The following AGAP1 variants were observed in gnomAD, a reference collection of about 807,000 sequenced individuals.
AGAP1 encodes arf-GAP with GTPase, ANK repeat and PH domain-containing protein 1.
In AGAP1, 29 loss-of-function variants were observed where a neutral mutation model predicts 105.3. That is an observed-to-expected ratio of 0.28 (90% CI 0.21 to 0.38). The LOEUF is 0.38. Among genes scored for constraint, AGAP1 ranks in the 10% least tolerant of loss-of-function variants. The pLI is 1.00. For synonymous variants in AGAP1, 509 were observed against 485.9 expected, an observed-to-expected ratio of 1.05 and a Z score of -0.63; for missense variants, 998 against 1,165.1, an observed-to-expected ratio of 0.86 and a Z score of 2.09.
chr2:235,913,521 T>G (rs2051723047), intron 11 of AGAP1, among the ~76,000 whole-genome samples: 1 of 152,228 alleles, frequency 6.6e-6, no homozygotes, highest in African/African-American at 2.4e-5. Flanking sequence ...GGGCTGTGTT[T>G]CTGGCCTCTC....
rs967120297 is a variant in AGAP1, at chr2:235,725,305, G to T, written c.310+7661G>T. ...GTATCTTAAATATGTTTTAACGAAT[G>T]TTTACTTAGTTTCTTAGAAACAAAA... On this transcript the variant is annotated intron_variant, in intron 3 of 17. Transcript: ENST00000304032. This position sits in a 1 kb window ranked among gnomAD's most constrained non-coding sequence, Gnocchi z 5.7. 6.6e-6 allele frequency among the ~76,000 whole-genome samples: 1 copy of T among 152,092 alleles called. No individual in the cohort carries two copies. Among genetic ancestry groups the T allele is most frequent in the South Asian group, 2.1e-4 (1 of 4,828 alleles).
rs1483244491 is a variant in AGAP1 at position 236,012,428 on chromosome 2, G to C, written c.1646-24133G>C. 6.6e-6 allele frequency among the ~76,000 whole-genome samples: 1 copy of C among 152,120 alleles called. No homozygotes were observed. The highest frequency in any genetic ancestry group is 1.5e-5 in the Non-Finnish European group (1 of 68,022). On this transcript the variant is annotated intron_variant, in intron 13 of 17. Transcript: ENST00000304032. This position sits in a 1 kb window ranked among gnomAD's most constrained non-coding sequence, Gnocchi z 4.9. Reference sequence around the variant, plus strand: ...AAATACTGTCCCAGACACCAGAGCTGCAGCAGTTAAAAATTAAGCCCATGC... The same window carrying C: ...AAATACTGTCCCAGACACCAGAGCTCCAGCAGTTAAAAATTAAGCCCATGC...
intron 10 of AGAP1, among the ~76,000 whole-genome samples, chr2:235,885,417 A>G (rs1273826172): frequency 6.6e-6 from 1 of 152,188 alleles, no homozygotes; most frequent in East Asian, 1.9e-4. Flanking sequence ...ACTCTAATCA[A>G]CGTTCCTCTG....
At position 235,720,544 on chromosome 2, in the gene AGAP1, C is replaced by A; in HGVS notation, c.310+2900C>A. ...TGTGGCCTTCCCATTTCTTGGTGTA[C>A]TGCTGCCTTCTCATCAGACCTCCTT... On this transcript the variant is annotated intron_variant, in intron 3 of 17. Transcript: ENST00000304032. This position sits in a 1 kb window ranked among gnomAD's most constrained non-coding sequence, Gnocchi z 5.0. The A allele has an allele frequency of 2.2e-6, 1 of 452,968 alleles. No homozygotes were observed. The highest frequency in any genetic ancestry group is 2.9e-6 in the Non-Finnish European group (1 of 343,860). The allele number at this position is 452,968 out of a possible 1,614,324, so 28.1% of individuals were successfully genotyped here.
rs2058016631 is a variant in AGAP1, at chr2:236,055,126, G to T, written c.2114+5845G>T. ...GCTCTTCTTTCAATTAAGTTCTCTG[G>T]GGCTTAATGGTATGAATAAACTCCT... On this transcript the variant is annotated intron_variant, in intron 16 of 17. Coordinates refer to ENST00000304032, the MANE Select transcript of AGAP1 (RefSeq NM_001037131.3). The surrounding 1 kb of genome is among the most constrained non-coding windows in gnomAD (Gnocchi z 6.2). Among the ~76,000 whole-genome samples, 1 of 152,108 alleles carries T rather than the reference G, an allele frequency of 6.6e-6. No individual in the cohort carries two copies. The highest frequency in any genetic ancestry group is 1.5e-5 in the Non-Finnish European group (1 of 68,032).
intron 8 of AGAP1, 61 bp from the exon 9 acceptor site, chr2:235,807,174 GGGGC>G: frequency 1.3e-6 from 2 of 1,504,376 alleles, no homozygotes; most frequent in South Asian, 2.4e-5. Flanking sequence ...TCTGCAAACA[GGGGC>G]AGAGCCCCGT....
intron 1 of AGAP1, among the ~76,000 whole-genome samples, chr2:235,604,407 G>A (rs998734715): frequency 1.1e-4 from 17 of 151,316 alleles, no homozygotes; most frequent in Admixed American, 2.6e-4. Context: ...CTTTGAGCCC[G>A]GGAGGTTGAG....
In AGAP1 at chr2:235,906,984, C is replaced by G. The variant is rs1008666591; in HGVS notation, c.1156-1754C>G. 6.6e-6 allele frequency among the ~76,000 whole-genome samples: 1 copy of G among 152,126 alleles called. No homozygotes were observed. Among genetic ancestry groups the G allele is most frequent in the Non-Finnish European group, 1.5e-5 (1 of 68,028 alleles). ...TGAGCTGAGTTCATGCCACTCCACT[C>G]CAGCCTGGGCAACAGAGTGAGACTC... On this transcript the variant is annotated intron_variant, in intron 10 of 17. Coordinates refer to ENST00000304032, the MANE Select transcript of AGAP1 (RefSeq NM_001037131.3). The surrounding 1 kb of genome is among the most constrained non-coding windows in gnomAD (Gnocchi z 5.3).
chr2:235,948,907 C>G (rs1010874675), intron 12 of AGAP1, among the ~76,000 whole-genome samples: 2 of 152,218 alleles, frequency 1.3e-5, no homozygotes, highest in African/African-American at 4.8e-5. Flanking sequence ...ATCCCGTGTC[C>G]AGTAAAGCAG....
intron 6 of AGAP1, among the ~76,000 whole-genome samples, chr2:235,786,516 A>G (rs528249281): frequency 5.9e-5 from 9 of 152,208 alleles, no homozygotes; most frequent in Non-Finnish European, 8.8e-5. Flanking sequence ...TGATTTATTC[A>G]ATTAAGTGGA....
intron 1 of AGAP1, among the ~76,000 whole-genome samples, chr2:235,708,950 A>T (rs1559379340): frequency 6.6e-6 from 1 of 152,168 alleles, no homozygotes; most frequent in Non-Finnish European, 1.5e-5. Flanking sequence ...AAGTCATTGG[A>T]TAGAGCATGT....
rs977484282 is a variant in AGAP1, at chr2:235,609,338, G to A, written c.164-99841G>A. Among the ~76,000 whole-genome samples the A allele has an allele frequency of 6.6e-6, 1 of 152,150 alleles. No homozygotes were observed. The highest frequency in any genetic ancestry group is 2.4e-5 in the African/African-American group (1 of 41,438). ...AGCAGGAGAAGTCCCTGTTAAAATG[G>A]CCAGAGGACATGGGGACATGGGGCA... On this transcript the variant is annotated intron_variant, in intron 1 of 17. Coordinates refer to ENST00000304032, the MANE Select transcript of AGAP1 (RefSeq NM_001037131.3). The surrounding 1 kb of genome is among the most constrained non-coding windows in gnomAD (Gnocchi z 5.1).
At chr2:236,084,947 G>C (rs182010333) in intron 16 of AGAP1, among the ~76,000 whole-genome samples, 1 of 151,912 alleles carries the variant, frequency 6.6e-6, no homozygotes, top group East Asian at 1.9e-4. Flanking sequence ...GGGCACGGTG[G>C]CTCACGCCTG....
At chr2:235,711,594 C>T (rs1490040248) in intron 2 of AGAP1, among the ~76,000 whole-genome samples, 1 of 152,204 alleles carries the variant, frequency 6.6e-6, no homozygotes, top group Non-Finnish European at 1.5e-5. Context: ...GGTCCTGTCC[C>T]TGGCCTGAGT....
intron 5 of AGAP1, among the ~76,000 whole-genome samples, chr2:235,749,235 CTG>C (rs1953223696): frequency 1.3e-5 from 2 of 151,588 alleles, no homozygotes; most frequent in South Asian, 4.2e-4. Flanking sequence ...AAAAAGCTGT[CTG>C]TGAAAAGTCC....
intron 16 of AGAP1, among the ~76,000 whole-genome samples, chr2:236,111,508 AG>A (rs34438690): frequency 1.4e-5 from 1 of 71,060 alleles, no homozygotes; most frequent in Non-Finnish European, 3.9e-5. Context: ...AAAAAAAAAG[AG>A]AGAGAAGAAG....
intron 9 of AGAP1, among the ~76,000 whole-genome samples, chr2:235,870,482 C>T (rs557130418): frequency 5.8e-4 from 89 of 152,230 alleles, no homozygotes; most frequent in African/African-American, 2.0e-3. Context: ...CAAAATTAGC[C>T]AGGCATGGTG....
intron 16 of AGAP1, among the ~76,000 whole-genome samples, chr2:236,077,141 AAAT>A (rs1364142438): frequency 1.1e-4 from 14 of 123,854 alleles, no homozygotes; most frequent in South Asian, 2.9e-4. Context: ...AAAAAAAAAA[AAAT>A]ATATATATAT....
intron 6 of AGAP1, among the ~76,000 whole-genome samples, chr2:235,763,786 C>G (rs576115349): frequency 6.6e-6 from 1 of 152,188 alleles, no homozygotes; most frequent in Non-Finnish European, 1.5e-5. Flanking sequence ...AATAAGTCCA[C>G]GTCCTGTAAT....
Sources: allele counts gnomAD v4.1 joint callset (sites outside exome capture counted in the v4.1 genomes callset), GRCh38; gene constraint gnomAD v4.1.1; non-coding constraint Gnocchi (gnomAD v3.1); transcripts MANE v1.5; gene names NCBI Gene and HGNC (gene_info 2026-07-23, HGNC 2026-07-21).